Variants in PCBP2 observed in about 807,000 individuals in gnomAD.
The protein encoded by PCBP2 is poly(rC) binding protein 2, also known as poly(rC)-binding protein 2.
In PCBP2, 4 loss-of-function variants were observed where a neutral mutation model predicts 50.1. The observed-to-expected ratio is 0.08, with a 90% CI of 0.04 to 0.18. PCBP2 has a LOEUF of 0.18. PCBP2 is among the 10% of genes least tolerant of loss of function. The pLI is 1.00. For missense variants in PCBP2, 161 were observed against 474.3 expected (o/e 0.34, Z 6.14); for synonymous variants, 179 against 168.0 (o/e 1.07, Z -0.51).
intron 5 of PCBP2, among the ~76,000 whole-genome samples, chr12:53,457,406 C>T (rs566239624): frequency 2.0e-5 from 3 of 151,008 alleles, no homozygotes; most frequent in Non-Finnish European, 4.4e-5. Context: ...GCTCTGTTAC[C>T]GAGGCTGAAG....
intron 14 of PCBP2, chr12:53,475,407 T>TC (rs1321998282): frequency 1.2e-5 from 4 of 334,872 alleles, no homozygotes; most frequent in Non-Finnish European, 2.4e-5. Context: ...AGTGCCTGTT[T>TC]CAGGGTCTGA....
At chr12:53,477,690 A>AAAAAAC (rs1565876308) in intron 14 of PCBP2, among the ~76,000 whole-genome samples, 2 of 149,966 alleles carry the variant, frequency 1.3e-5, no homozygotes, top group African/African-American at 4.9e-5. Context: ...AAAAAAAAAA[A>AAAAAAC]AAAACCCTAA....
chr12:53,472,288 G>A (rs1242373340), intron 14 of PCBP2, among the ~76,000 whole-genome samples: 1 of 152,156 alleles, frequency 6.6e-6, no homozygotes, highest in Non-Finnish European at 1.5e-5. Context: ...TTCTCACACT[G>A]CATGTGTGTT....
rs767302993 is a variant in PCBP2, at chr12:53,467,306, C to T, written c.787+13C>T. The T allele has an allele frequency of 3.1e-6, 5 of 1,603,230 alleles. No homozygotes were observed. The South Asian group carries it at 5.5e-5, about 18-fold the overall frequency. On this transcript the variant is annotated intron_variant, in intron 11 of 14. Transcript: ENST00000546463. The stretch of plus-strand genomic sequence containing the variant: ...ACCGGATTCAGTGGTATGGATACCT[C>T]AGTGTTTATTTCTGTAAGGTGTAGT...
intron 14 of PCBP2, among the ~76,000 whole-genome samples, chr12:53,474,004 G>A (rs1942409442): frequency 6.6e-6 from 1 of 152,120 alleles, no homozygotes; most frequent in Non-Finnish European, 1.5e-5. Flanking sequence ...AATTGTCCAG[G>A]CACACTTCCC....
intron 1 of PCBP2, among the ~76,000 whole-genome samples, chr12:53,453,689 G>A (rs10783580): frequency 0.28 from 42,080 of 152,100 alleles, 7,091 homozygotes; most frequent in East Asian, 0.73. Context: ...TGTCATTGGG[G>A]ACATTCTACA....
rs750117399 is a variant in PCBP2 at position 53,455,944 on chromosome 12, T to G, written c.186T>G (p.Ala62=). ...GNCPERIITL[A]GPTNAIFKAF... ...GTCCTGAGAGAATTATCACTTTGGC[T>G]GGACCCACTAATGCCATCTTCAAAG... The change falls in exon 5 of 15, where the codon GCT becomes GCG. Residue 62 remains alanine, a synonymous_variant. Transcript: ENST00000546463. 1.2e-6 allele frequency: 2 copies of G among 1,613,920 alleles called. No homozygotes were observed. Among genetic ancestry groups the G allele is most frequent in the African/African-American group, 2.7e-5 (2 of 74,926 alleles).
chr12:53,475,258 A>G (rs1314241102), intron 14 of PCBP2: 2 of 422,600 alleles, frequency 4.7e-6, no homozygotes, highest in Non-Finnish European at 9.6e-6. Context: ...TATTTTGTTC[A>G]TTTTGTTTTC....
chr12:53,453,649 G>GT (rs1322433832), intron 1 of PCBP2, among the ~76,000 whole-genome samples: 1 of 152,134 alleles, frequency 6.6e-6, no homozygotes, highest in Non-Finnish European at 1.5e-5. Flanking sequence ...GAGATGACAT[G>GT]TTGAGTTTTA....
At chr12:53,465,806 A>G in intron 9 of PCBP2, 126 bp from the exon 10 acceptor site, 3 of 734,624 alleles carry the variant, frequency 4.1e-6, no homozygotes, top group Non-Finnish European at 7.3e-6. Context: ...CTACTGCCTC[A>G]ATCTCTGGCC....
chr12:53,467,203 C>G lies in PCBP2; in HGVS notation c.715-18C>G, dbSNP rs1281249637. On this transcript the variant is annotated intron_variant, in intron 10 of 14. Transcript: ENST00000546463. ...CTGTTAAATCTTCTAATGCCAACCT[C>G]CTGTTTCCTCCTTGCAGTTGACCAA... The G allele has an allele frequency of 5.0e-6, 8 of 1,606,024 alleles. No individual in the cohort carries two copies. Among genetic ancestry groups the G allele is most frequent in the Non-Finnish European group, 6.0e-6 (7 of 1,173,428 alleles).
In PCBP2 at chr12:53,479,869, T is replaced by G. The variant is rs753221745; in HGVS notation, c.*427T>G. The G allele has an allele frequency of 6.5e-6, 1 of 154,148 alleles. No individual in the cohort carries two copies. The highest frequency in any genetic ancestry group is 2.4e-5 in the African/African-American group (1 of 41,480). 9.5% of individuals were successfully genotyped at this position (154,148 alleles called of 1,614,324 possible). ...TTTTATTCCTCTTGTCTTGCTGTTATTTTTGTACCTTTTATCCCTCAAAGG... is the reference window on the plus strand; with the variant it reads ...TTTTATTCCTCTTGTCTTGCTGTTAGTTTTGTACCTTTTATCCCTCAAAGG... On this transcript the variant is annotated 3_prime_UTR_variant, in exon 15 of 15. Transcript: ENST00000546463.
intron 1 of PCBP2, 196 bp from the exon 2 acceptor site, chr12:53,454,530 A>T: frequency 2.5e-6 from 1 of 402,596 alleles, no homozygotes; most frequent in South Asian, 2.9e-5. Context: ...GGAACTGGAA[A>T]GTTGCCTTCT....
At chr12:53,476,087 T>C (rs1942562313) in intron 14 of PCBP2, 1 of 152,220 alleles carries the variant, frequency 6.6e-6, no homozygotes, top group African/African-American at 2.4e-5. Context: ...TTATGCCTCT[T>C]TCTGTGACAT....
intron 14 of PCBP2, chr12:53,476,009 G>A (rs1427656798): frequency 6.6e-6 from 1 of 152,180 alleles, no homozygotes; most frequent in African/African-American, 2.4e-5. Flanking sequence ...CAGAATGAAG[G>A]GGAGGGGCAA....
intron 9 of PCBP2, among the ~76,000 whole-genome samples, chr12:53,465,297 T>G (rs538394403): frequency 1.7e-4 from 25 of 151,344 alleles, no homozygotes; most frequent in Non-Finnish European, 2.1e-4. Flanking sequence ...GGTTATGTTG[T>G]GGGGGGGAGG....
chr12:53,478,603 AG>A, intron 14 of PCBP2, among the ~76,000 whole-genome samples: 1 of 152,222 alleles, frequency 6.6e-6, no homozygotes. Context: ...CAGGAGTTTA[AG>A]ACCTGCCTGG....
At chr12:53,468,527 C>G (rs1941976534) in intron 12 of PCBP2, 1 of 521,186 alleles carries the variant, frequency 1.9e-6, no homozygotes, top group East Asian at 3.3e-5. Flanking sequence ...TCCCCCATCC[C>G]TAATAGGCTG....
In PCBP2 at chr12:53,480,608, C is replaced by G. The variant is rs757277705; in HGVS notation, c.*1166C>G. The stretch of plus-strand genomic sequence containing the variant: ...GGACTTAAACAGCACCCCGGTTCTT[C>G]AGCCTGAGCCATCACATGCTATCAG... On this transcript the variant is annotated 3_prime_UTR_variant, in exon 15 of 15. Transcript: ENST00000546463. 6.6e-6 allele frequency: 1 copy of G among 152,646 alleles called. No homozygotes were observed. 9.5% of individuals were successfully genotyped at this position (152,646 alleles called of 1,614,324 possible).
Sources: allele counts gnomAD v4.1 joint callset (sites outside exome capture counted in the v4.1 genomes callset), GRCh38; gene constraint gnomAD v4.1.1; transcripts MANE v1.5; gene names NCBI Gene and HGNC (gene_info 2026-07-23, HGNC 2026-07-21).